The following PARD3B variants were observed in gnomAD, a reference collection of about 807,000 sequenced individuals.
The protein encoded by PARD3B is partitioning defective 3 homolog B.
Under a neutral mutation model 130.2 loss-of-function variants are expected in PARD3B, and 103 were observed. The ratio of observed to expected loss-of-function variants is 0.79; its 90% CI spans 0.67 to 0.93. The LOEUF is 0.93. PARD3B is among the 40% of genes least tolerant of loss of function. PARD3B has a pLI of 0.00. For missense variants in PARD3B, 1,609 were observed against 1,499.2 expected, an observed-to-expected ratio of 1.07 and a Z score of -1.21; for synonymous variants, 583 against 553.2, an observed-to-expected ratio of 1.05 and a Z score of -0.76.
At chr2:204,759,777 T>C (rs1426111476) in intron 2 of PARD3B, among the ~76,000 whole-genome samples, 1 of 152,140 alleles carries the variant, frequency 6.6e-6, no homozygotes, top group Admixed American at 6.6e-5. Context: ...TTTATGTGAT[T>C]ATACCTGTTT....
rs201991047 is a variant in PARD3B, at chr2:205,615,767, G to T, written c.3572G>T (p.Arg1191Leu). 2 of 1,613,896 alleles carry T rather than the reference G, an allele frequency of 1.2e-6. No homozygotes were observed. Among genetic ancestry groups the T allele is most frequent in the Admixed American group, 1.7e-5 (1 of 59,990 alleles). ...RGGSPDQYPYRTQDSRQKNPM... is the reference protein window; with the variant it reads ...RGGSPDQYPYLTQDSRQKNPM... ...GGCAGCCCAGACCAGTACCCTTACCGAACCCAGGATTCCCGGCAGAAGAAC... is the reference window on the plus strand; with the variant it reads ...GGCAGCCCAGACCAGTACCCTTACCTAACCCAGGATTCCCGGCAGAAGAAC... The change falls in exon 23 of 23, where the codon CGA (arginine) becomes CTA (leucine). Residue 1191 changes from arginine to leucine, a missense_variant. Physicochemically the swap from Arg to Leu is moderately radical, Grantham distance 102. Transcript: ENST00000406610.
intron 2 of PARD3B, among the ~76,000 whole-genome samples, chr2:204,832,602 A>G (rs553073315): frequency 6.6e-6 from 1 of 152,222 alleles, no homozygotes; most frequent in Non-Finnish European, 1.5e-5. Flanking sequence ...TGCAGTGGAC[A>G]TAAGAGAAGA....
intron 2 of PARD3B, among the ~76,000 whole-genome samples, chr2:204,792,824 C>G (rs2042243137): frequency 6.6e-6 from 1 of 152,026 alleles, no homozygotes; most frequent in Non-Finnish European, 1.5e-5. Flanking sequence ...TTTCAGATGT[C>G]TTCTGCGCAA....
chr2:205,529,702 C>T (rs2051501245), intron 21 of PARD3B, among the ~76,000 whole-genome samples: 2 of 152,254 alleles, frequency 1.3e-5, no homozygotes, highest in South Asian at 4.2e-4. Context: ...ATGAGTTTGA[C>T]ATCCACAAGC....
At chr2:204,833,396 C>T (rs923835824) in intron 2 of PARD3B, among the ~76,000 whole-genome samples, 2 of 152,068 alleles carry the variant, frequency 1.3e-5, no homozygotes, top group Non-Finnish European at 2.9e-5. Context: ...CTCTGCTTCC[C>T]AGATCAATAT....
At chr2:205,538,626 G>C (rs1185521503) in intron 21 of PARD3B, among the ~76,000 whole-genome samples, 1 of 152,034 alleles carries the variant, frequency 6.6e-6, no homozygotes, top group Non-Finnish European at 1.5e-5. Flanking sequence ...CTGTCTATCT[G>C]TCTCTCCTTT....
At chr2:205,451,085 CAT>C (rs891517347) in intron 20 of PARD3B, among the ~76,000 whole-genome samples, 4 of 152,194 alleles carry the variant, frequency 2.6e-5, no homozygotes, top group Admixed American at 2.6e-4. Context: ...AGCTGATACA[CAT>C]GTGTCTCGCC....
intron 4 of PARD3B, among the ~76,000 whole-genome samples, chr2:205,089,502 T>C (rs1051522005): frequency 1.3e-5 from 2 of 152,182 alleles, no homozygotes; most frequent in Non-Finnish European, 2.9e-5. Flanking sequence ...GATAGGGACA[T>C]ACCTGACCAT....
intron 2 of PARD3B, among the ~76,000 whole-genome samples, chr2:204,693,686 C>T (rs1031431290): frequency 2.0e-5 from 3 of 152,018 alleles, no homozygotes; most frequent in Non-Finnish European, 2.9e-5. Context: ...AGAGGCCTCA[C>T]AATGCCTCCA....
chr2:205,031,219 A>G (rs1487454787), intron 3 of PARD3B, among the ~76,000 whole-genome samples: 1 of 152,174 alleles, frequency 6.6e-6, no homozygotes, highest in Non-Finnish European at 1.5e-5. Flanking sequence ...TTTGAGACCC[A>G]CATACCTTAT....
chr2:205,141,130 C>T (rs186711035), intron 10 of PARD3B, among the ~76,000 whole-genome samples: 298 of 152,170 alleles, frequency 2.0e-3, no homozygotes, highest in Admixed American at 4.8e-3. Flanking sequence ...GTTCTTCTTT[C>T]GGGTCAAATA....
intron 2 of PARD3B, among the ~76,000 whole-genome samples, chr2:204,913,085 G>A (rs1259194406): frequency 6.6e-6 from 1 of 152,086 alleles, no homozygotes. Context: ...CTAAAGATGC[G>A]ATATTGCATT....
At chr2:204,713,767 C>G (rs1477675080) in intron 2 of PARD3B, among the ~76,000 whole-genome samples, 2 of 152,022 alleles carry the variant, frequency 1.3e-5, no homozygotes, top group Non-Finnish European at 2.9e-5. Context: ...GAATAATAGT[C>G]CTCTCTCTAT....
chr2:205,153,127 C>T (rs982001577), intron 10 of PARD3B, among the ~76,000 whole-genome samples: 6 of 152,188 alleles, frequency 3.9e-5, no homozygotes. Context: ...GCAAACGTTG[C>T]TGCCTGATCC....
intron 18 of PARD3B, among the ~76,000 whole-genome samples, chr2:205,339,812 C>A (rs2043451563): frequency 6.6e-6 from 1 of 152,018 alleles, no homozygotes; most frequent in South Asian, 2.1e-4. Flanking sequence ...TAGAGAATAA[C>A]TGAAGAAACA....
chr2:205,430,495 A>G (rs2047294313), intron 19 of PARD3B, among the ~76,000 whole-genome samples: 1 of 152,198 alleles, frequency 6.6e-6, no homozygotes, highest in Non-Finnish European at 1.5e-5. Flanking sequence ...ACATTTCAAG[A>G]GTTCAGTATC....
rs1008440355 is a variant in PARD3B at position 204,606,717 on chromosome 2, T to C, written c.120+60598T>C. Among the ~76,000 whole-genome samples, 1 of 152,158 alleles carries C rather than the reference T, an allele frequency of 6.6e-6. No homozygotes were observed. Among genetic ancestry groups the C allele is most frequent in the Non-Finnish European group, 1.5e-5 (1 of 68,028 alleles). On this transcript the variant is annotated intron_variant, in intron 1 of 22. Transcript: ENST00000406610. The surrounding 1 kb of genome is among the most constrained non-coding windows in gnomAD (Gnocchi z 4.0). ...CCGGTAAGATTCTTCTAGGTTAATA[T>C]GCCCAAACTGTTTTAAAGGTTTGAC...
At chr2:205,539,501 G>A (rs1399980022) in intron 21 of PARD3B, among the ~76,000 whole-genome samples, 1 of 152,078 alleles carries the variant, frequency 6.6e-6, no homozygotes, top group African/African-American at 2.4e-5. Flanking sequence ...CGTGGTCAGG[G>A]GCCCATCAGC....
rs964997181 is a variant in PARD3B at position 205,041,334 on chromosome 2, ATT to A, written c.395-6244_395-6243del. Among the ~76,000 whole-genome samples the A allele has an allele frequency of 1.4e-4, 21 of 152,252 alleles. 1 individual carries two copies. The highest frequency in any genetic ancestry group is 4.6e-4 in the African/African-American group (19 of 41,558). On this transcript the variant is annotated intron_variant, in intron 3 of 22. Coordinates refer to ENST00000406610, the MANE Select transcript of PARD3B (RefSeq NM_001302769.2). ...TCAGTGGGCTGAAGCCAAGATTTGTATTTTCTCTGAGACAAATCATAGCAGTT... is the reference window on the plus strand; with the variant it reads ...TCAGTGGGCTGAAGCCAAGATTTGTATTCTCTGAGACAAATCATAGCAGTT...
Sources: gnomAD v4.1 joint callset for allele counts (sites outside exome capture counted in the v4.1 genomes callset) on GRCh38, gnomAD v4.1.1 for gene constraint, Gnocchi (gnomAD v3.1) non-coding constraint, MANE v1.5 for transcripts, NCBI Gene and HGNC (gene_info 2026-07-23, HGNC 2026-07-21) for gene names.